ITGB1: variants seen among roughly 807,000 people sequenced by gnomAD.
ITGB1 encodes integrin subunit beta 1, also known as integrin beta-1.
ITGB1 carries 24 observed loss-of-function variants against 86.5 expected under a neutral mutation model. The observed-to-expected ratio is 0.28, with a 90% CI of 0.20 to 0.39. ITGB1 has a LOEUF of 0.39. ITGB1 is among the 10% of genes least tolerant of loss of function. ITGB1 has a pLI of 1.00. For synonymous variants in ITGB1, 323 were observed against 316.8 expected, an observed-to-expected ratio of 1.02 and a Z score of -0.21; for missense variants, 556 against 946.9, an observed-to-expected ratio of 0.59 and a Z score of 5.42.
intron 13 of ITGB1, 58 bp from the exon 14 acceptor site, chr10:32,910,513 C>CT (rs1441261304): frequency 2.5e-6 from 3 of 1,205,198 alleles, no homozygotes; most frequent in Non-Finnish European, 3.5e-6. Context: ...TAAATATTTG[C>CT]TTAAACATAT....
At chr10:32,924,139 C>A (rs2094958037) in intron 6 of ITGB1, among the ~76,000 whole-genome samples, 1 of 152,138 alleles carries the variant, frequency 6.6e-6, no homozygotes, top group Non-Finnish European at 1.5e-5. Context: ...CTTACTTTAC[C>A]CCACTGCTGC....
intron 7 of ITGB1, 79 bp from the exon 8 acceptor site, chr10:32,922,814 G>A: frequency 1.3e-6 from 1 of 746,118 alleles, no homozygotes; most frequent in Non-Finnish European, 2.2e-6. Flanking sequence ...AGTTATACAT[G>A]CAAGATTACA....
intron 1 of ITGB1, among the ~76,000 whole-genome samples, chr10:32,948,043 A>C (rs2137262390): frequency 6.6e-6 from 1 of 152,182 alleles, no homozygotes; most frequent in South Asian, 2.1e-4. Flanking sequence ...TAACCAGAAA[A>C]CTGACTGGAT....
intron 14 of ITGB1, among the ~76,000 whole-genome samples, chr10:32,909,860 C>A (rs1300304711): frequency 6.6e-6 from 1 of 152,030 alleles, no homozygotes. Context: ...AACAAATTAT[C>A]TTTCCCAGTA....
In ITGB1 at chr10:32,901,672, C is replaced by G. The variant is rs761936096; in HGVS notation, c.2332-37G>C. On this transcript the variant is annotated intron_variant, in intron 15 of 15. Coordinates refer to ENST00000302278, the MANE Select transcript of ITGB1 (RefSeq NM_002211.4). The stretch of plus-strand genomic sequence containing the variant: ...AAAAAGTGAGAAAAATTATCAGTTA[C>G]CCTACTAAAATTATGTAGAATAATT... 4 of 1,317,556 alleles carry G rather than the reference C, an allele frequency of 3.0e-6. No individual in the cohort carries two copies. In the Admixed American group the frequency reaches 7.5e-5, roughly 25 times the overall value. The allele number at this position is 1,317,556 out of a possible 1,614,324, so 81.6% of individuals were successfully genotyped here. A position where few individuals can be genotyped will look rare whatever the true frequency, so the allele number is the denominator to read the frequency against.
At chr10:32,905,131 A>C (rs1269792586) in intron 15 of ITGB1, among the ~76,000 whole-genome samples, 1 of 152,212 alleles carries the variant, frequency 6.6e-6, no homozygotes, top group Non-Finnish European at 1.5e-5. Context: ...GAGAACGAGA[A>C]AAATATATTG....
At chr10:32,944,762 G>T in intron 1 of ITGB1, 1 of 720,554 alleles carries the variant, frequency 1.4e-6, no homozygotes, top group East Asian at 2.9e-5. Flanking sequence ...ATGCCTTACT[G>T]CTCGCTAGAT....
At chr10:32,913,487 G>C (rs1374353599) in intron 11 of ITGB1, among the ~76,000 whole-genome samples, 3 of 152,184 alleles carry the variant, frequency 2.0e-5, no homozygotes, top group African/African-American at 7.2e-5. Context: ...ACCTGATGGA[G>C]CGGAAAACCA....
chr10:32,919,615 G>C (rs920671951), intron 11 of ITGB1, among the ~76,000 whole-genome samples: 2 of 151,990 alleles, frequency 1.3e-5, no homozygotes, highest in African/African-American at 4.8e-5. Flanking sequence ...TGAGAGAAAC[G>C]CTACCTTAAC....
intron 2 of ITGB1, among the ~76,000 whole-genome samples, 193 bp downstream of exon 2, chr10:32,935,299 A>G (rs953013258): frequency 1.3e-5 from 2 of 152,100 alleles, no homozygotes; most frequent in African/African-American, 4.8e-5. Context: ...GCCTCCCATC[A>G]TCCCAGGTGG....
chr10:32,933,892 T>C (rs1028810437), intron 2 of ITGB1, among the ~76,000 whole-genome samples: 2 of 152,118 alleles, frequency 1.3e-5, no homozygotes, highest in Admixed American at 6.5e-5. Context: ...TCAATATAAG[T>C]GTACTCTATT....
intron 1 of ITGB1, among the ~76,000 whole-genome samples, chr10:32,946,759 G>T (rs1442765070): frequency 9.9e-6 from 1 of 101,012 alleles, no homozygotes; most frequent in East Asian, 2.4e-4. Context: ...TGGGGGGGGG[G>T]GGGGGATTAT....
chr10:32,902,718 T>A (rs1296030367), intron 15 of ITGB1, among the ~76,000 whole-genome samples: 1 of 152,240 alleles, frequency 6.6e-6, no homozygotes, highest in Admixed American at 6.5e-5. Context: ...CATTTTTTGA[T>A]CTAAAAGTAA....
chr10:32,901,747 T>C, intron 15 of ITGB1, 112 bp from the exon 16 acceptor site: 3 of 677,536 alleles, frequency 4.4e-6, no homozygotes, highest in Non-Finnish European at 7.6e-6. Flanking sequence ...GTCATTTCTA[T>C]TTTATTTGTC....
chr10:32,904,005 A>C (rs1263986796), intron 15 of ITGB1, among the ~76,000 whole-genome samples: 1 of 110,906 alleles, frequency 9.0e-6, no homozygotes, highest in African/African-American at 2.7e-5. Flanking sequence ...GGGAAGGACA[A>C]AAAAAAAAAA....
At chr10:32,939,244 G>A (rs964851430) in intron 1 of ITGB1, among the ~76,000 whole-genome samples, 1 of 152,204 alleles carries the variant, frequency 6.6e-6, no homozygotes, top group Non-Finnish European at 1.5e-5. Flanking sequence ...GGGGATAACA[G>A]GGAAAGATGC....
chr10:32,920,817 C>CAAAAA (rs5784311), intron 9 of ITGB1, among the ~76,000 whole-genome samples: 1 of 139,566 alleles, frequency 7.2e-6, no homozygotes, highest in Non-Finnish European at 1.5e-5. Context: ...CGCTAAAATA[C>CAAAAA]AAAAAAAAAA....
At chr10:32,950,528 A>T (rs1186343826) in intron 1 of ITGB1, among the ~76,000 whole-genome samples, 2 of 152,184 alleles carry the variant, frequency 1.3e-5, no homozygotes, top group African/African-American at 4.8e-5. Flanking sequence ...GCTAGCATTA[A>T]TGATTAACAA....
intron 11 of ITGB1, among the ~76,000 whole-genome samples, chr10:32,913,576 A>C (rs916877422): frequency 2.6e-5 from 4 of 152,208 alleles, no homozygotes; most frequent in African/African-American, 9.7e-5. Context: ...TCAGTGATTG[A>C]AGATCAAATG....
Sources: gnomAD v4.1 joint callset for allele counts (sites outside exome capture counted in the v4.1 genomes callset) on GRCh38, gnomAD v4.1.1 for gene constraint, MANE v1.5 for transcripts, NCBI Gene and HGNC (gene_info 2026-07-23, HGNC 2026-07-21) for gene names.